The following HSPA14 variants were observed in gnomAD, a reference collection of about 807,000 sequenced individuals.
The protein encoded by HSPA14 is heat shock 70 kDa protein 14.
A neutral mutation model predicts 65.5 loss-of-function variants in HSPA14; 37 were observed. That is an observed-to-expected ratio of 0.56 (90% CI 0.43 to 0.74). The LOEUF (loss-of-function observed/expected upper bound fraction) is 0.74. Ranked by LOEUF, HSPA14 falls within the 30% of genes least tolerant of loss-of-function variation. The pLI, the probability that HSPA14 is intolerant of heterozygous loss-of-function variation, is 0.00. For missense variants in HSPA14, 564 were observed against 607.6 expected (o/e 0.93, Z 0.75); for synonymous variants, 203 against 214.2 (o/e 0.95, Z 0.46).
At chr10:14,859,867 TTC>T (rs1381213000) in intron 10 of HSPA14, among the ~76,000 whole-genome samples, 4 of 152,248 alleles carry the variant, frequency 2.6e-5, no homozygotes, top group African/African-American at 9.6e-5. Context: ...TTGTTTACAG[TTC>T]TTTTTTCAGA....
At chr10:14,869,232 C>G (rs1023171494) in intron 12 of HSPA14, among the ~76,000 whole-genome samples, 1 of 144,722 alleles carries the variant, frequency 6.9e-6, no homozygotes, top group Non-Finnish European at 1.5e-5. Context: ...TGTACGTGTA[C>G]GTGTGTGTGT....
chr10:14,841,989 A>C (rs529421285), intron 3 of HSPA14: 160 of 524,008 alleles, frequency 3.1e-4, no homozygotes, highest in Non-Finnish European at 5.2e-4. Context: ...TGCCGTGTCT[A>C]CCCTGGGTGA....
Position 14,852,445 on chromosome 10 carries a change from G to C in HSPA14, c.648G>C (p.Arg216=), listed in dbSNP as rs1490667087. The change falls in exon 8 of 14, where the codon CGG becomes CGC. Residue 216 remains arginine (R), a synonymous_variant. Coordinates refer to ENST00000378372, the MANE Select transcript of HSPA14 (RefSeq NM_016299.4). The part of the protein sequence containing the change: ...SVMEVNSGIY[R]VLSTNTDDNI... ...TGGAAGTTAACAGTGGAATATATCG[G>C]GTTCTTTCAACAAACACTGATGATA... 6.2e-7 allele frequency: 1 copy of C among 1,613,640 alleles called. No homozygotes were observed. The highest frequency in any genetic ancestry group is 8.5e-7 in the Non-Finnish European group (1 of 1,179,748).
rs929266768 is a variant in HSPA14 at position 14,844,488 on chromosome 10, G to A, written c.222-4121G>A. On this transcript the variant is annotated intron_variant, in intron 3 of 13. Transcript: ENST00000378372. ...AAAATCCCTGTGTGGCTCATTAGAC[G>A]ACTATAAGCACAACCTGTATTTGTA... is the stretch of plus-strand genomic sequence containing the variant. The A allele has an allele frequency of 2.3e-5, 17 of 754,696 alleles. No individual in the cohort carries two copies. The African/African-American group carries it at 3.8e-4, about 17-fold the overall frequency. The allele number at this position is 754,696 out of a possible 1,614,324, so 46.7% of individuals were successfully genotyped here.
intron 10 of HSPA14, among the ~76,000 whole-genome samples, chr10:14,862,172 C>A (rs544058034): frequency 7.4e-5 from 11 of 149,098 alleles, no homozygotes; most frequent in Non-Finnish European, 1.3e-4. Flanking sequence ...GACTAACAGG[C>A]GCCTGCCACC....
intron 9 of HSPA14, among the ~76,000 whole-genome samples, chr10:14,855,211 T>C (rs1357838374): frequency 1.3e-5 from 2 of 152,224 alleles, no homozygotes; most frequent in Non-Finnish European, 2.9e-5. Context: ...CTTTAATATC[T>C]ATAAGGTTTA....
chr10:14,863,169 G>A (rs1032491389), intron 10 of HSPA14, among the ~76,000 whole-genome samples: 1 of 152,138 alleles, frequency 6.6e-6, no homozygotes, highest in Non-Finnish European at 1.5e-5. Context: ...TGGTTATGAG[G>A]AGGTATTCTT....
intron 10 of HSPA14, among the ~76,000 whole-genome samples, chr10:14,859,373 G>T (rs1832733628): frequency 6.6e-6 from 1 of 152,160 alleles, no homozygotes; most frequent in South Asian, 2.1e-4. Context: ...AGACCACCCT[G>T]CCTCTTTTCG....
chr10:14,844,065 C>G, intron 3 of HSPA14: 8 of 1,431,840 alleles, frequency 5.6e-6, no homozygotes, highest in Non-Finnish European at 6.4e-6. Flanking sequence ...GATTCTCCAC[C>G]AAATGGAAGA....
chr10:14,868,744 G>C (rs1008910381), intron 12 of HSPA14, among the ~76,000 whole-genome samples: 47 of 152,276 alleles, frequency 3.1e-4, no homozygotes, highest in African/African-American at 1.0e-3. Context: ...TTTGACTTTT[G>C]ACACCTTATA....
At chr10:14,865,236 G>A (rs1180185167) in intron 10 of HSPA14, among the ~76,000 whole-genome samples, 2 of 152,094 alleles carry the variant, frequency 1.3e-5, no homozygotes, top group East Asian at 1.9e-4. Context: ...TTTGTCAGAT[G>A]AGTAGATTGC....
At chr10:14,861,360 CAG>C (rs1447682630) in intron 10 of HSPA14, among the ~76,000 whole-genome samples, 2 of 152,176 alleles carry the variant, frequency 1.3e-5, no homozygotes, top group Non-Finnish European at 2.9e-5. Flanking sequence ...ATAAAACAAA[CAG>C]AAGCCCAGGC....
chr10:14,843,255 A>T, intron 3 of HSPA14: 1 of 1,308,850 alleles, frequency 7.6e-7, no homozygotes, highest in Non-Finnish European at 1.1e-6. Context: ...TCCCTGGTGG[A>T]AAGAGGCTTT....
chr10:14,851,732 G>C (rs894137753), intron 7 of HSPA14, among the ~76,000 whole-genome samples: 1 of 152,166 alleles, frequency 6.6e-6, no homozygotes, highest in Non-Finnish European at 1.5e-5. Context: ...TCTTTTAATG[G>C]TGAAATACTA....
chr10:14,840,265 T>C (rs546650414), intron 3 of HSPA14, 108 bp downstream of exon 3: 138 of 454,714 alleles, frequency 3.0e-4, no homozygotes, highest in African/African-American at 2.7e-3. Context: ...TCTTCATTGC[T>C]TTTTATGACT....
chr10:14,856,079 A>T (rs372814306), intron 10 of HSPA14, 136 bp downstream of exon 10: 3 of 622,006 alleles, frequency 4.8e-6, no homozygotes, highest in African/African-American at 3.7e-5. Context: ...ATAAGGAAAA[A>T]TTGATGAAAT....
At chr10:14,844,087 T>C (rs1245564137) in intron 3 of HSPA14, 1 of 1,413,648 alleles carries the variant, frequency 7.1e-7, no homozygotes, top group Non-Finnish European at 9.2e-7. Flanking sequence ...CTTTCAGAAA[T>C]GCCAGGGGTG....
chr10:14,849,272 C>T (rs1007699088), intron 5 of HSPA14, among the ~76,000 whole-genome samples: 2 of 152,206 alleles, frequency 1.3e-5, no homozygotes, highest in Non-Finnish European at 2.9e-5. Flanking sequence ...AGGCTCTGAG[C>T]TGAGTGGTAT....
At chr10:14,869,173 TA>T (rs1832832509) in intron 12 of HSPA14, among the ~76,000 whole-genome samples, 2 of 152,150 alleles carry the variant, frequency 1.3e-5, no homozygotes, top group African/African-American at 4.8e-5. Flanking sequence ...TAAAAATGCC[TA>T]GCTTTTTTGA....
Sources: allele counts gnomAD v4.1 joint callset (sites outside exome capture counted in the v4.1 genomes callset), GRCh38; gene constraint gnomAD v4.1.1; transcripts MANE v1.5; gene names NCBI Gene and HGNC (gene_info 2026-07-23, HGNC 2026-07-21).